The following NXPH1 variants were observed in gnomAD, a reference collection of about 807,000 sequenced individuals.
The protein encoded by NXPH1 is neurexophilin-1.
NXPH1 carries 5 observed loss-of-function variants against 23.7 expected under a neutral mutation model. That is an observed-to-expected ratio of 0.21 (90% confidence interval 0.11 to 0.44). The LOEUF is 0.44. Among genes scored for constraint, NXPH1 ranks in the 20% least tolerant of loss-of-function variants. The probability of loss-of-function intolerance (pLI) is 0.99; values close to 1 mark genes in which losing one functional copy is unlikely to be tolerated. For synonymous variants in NXPH1, 144 were observed against 122.2 expected (o/e 1.18, Z -1.18); for missense variants, 324 against 321.6 (o/e 1.01, Z -0.06).
At chr7:8,482,646 AG>A (rs1383278863) in intron 2 of NXPH1, among the ~76,000 whole-genome samples, 1 of 152,164 alleles carries the variant, frequency 6.6e-6, no homozygotes, top group Non-Finnish European at 1.5e-5. Context: ...CCTGTACAAA[AG>A]GCCAATAATG....
At chr7:8,499,869 C>G (rs977915346) in intron 2 of NXPH1, among the ~76,000 whole-genome samples, 2 of 152,058 alleles carry the variant, frequency 1.3e-5, no homozygotes, top group African/African-American at 4.8e-5. Flanking sequence ...ACTGGGCCAG[C>G]AAAGAGCCTC....
intron 2 of NXPH1, among the ~76,000 whole-genome samples, chr7:8,695,957 A>T (rs1779493779): frequency 6.6e-6 from 1 of 152,212 alleles, no homozygotes; most frequent in Non-Finnish European, 1.5e-5. Flanking sequence ...ACTGAAAGAA[A>T]ATAACACCAT....
intron 2 of NXPH1, among the ~76,000 whole-genome samples, chr7:8,733,728 A>AT (rs1307657546): frequency 2.0e-5 from 3 of 150,448 alleles, no homozygotes; most frequent in Non-Finnish European, 4.5e-5. Flanking sequence ...TGATGGGATT[A>AT]TTTTTTTCTT....
intron 2 of NXPH1, among the ~76,000 whole-genome samples, chr7:8,515,400 G>A (rs895056078): frequency 3.3e-5 from 5 of 152,070 alleles, no homozygotes; most frequent in African/African-American, 1.2e-4. Flanking sequence ...CTCCTGCCAT[G>A]GATTCCTGGA....
chr7:8,637,097 T>C (rs1820228628), intron 2 of NXPH1, among the ~76,000 whole-genome samples: 1 of 152,216 alleles, frequency 6.6e-6, no homozygotes, highest in African/African-American at 2.4e-5. Flanking sequence ...GTACTGCCTA[T>C]AGACATGTGG....
intron 2 of NXPH1, among the ~76,000 whole-genome samples, chr7:8,681,918 G>T (rs1821055697): frequency 6.6e-6 from 1 of 152,148 alleles, no homozygotes; most frequent in Non-Finnish European, 1.5e-5. Flanking sequence ...ACTGAGCTTT[G>T]CCCCTTTTCT....
intron 2 of NXPH1, among the ~76,000 whole-genome samples, chr7:8,717,996 G>A (rs371669909): frequency 6.6e-6 from 1 of 151,414 alleles, no homozygotes; most frequent in African/African-American, 2.4e-5. Flanking sequence ...GATGACTCAG[G>A]ATGTAAAATG....
intron 2 of NXPH1, among the ~76,000 whole-genome samples, chr7:8,461,579 C>A (rs1261305252): frequency 6.6e-6 from 1 of 151,790 alleles, no homozygotes; most frequent in Admixed American, 6.6e-5. Context: ...GCCTGTAATC[C>A]CAGCACTTTG....
At chr7:8,740,638 A>G (rs1365294833) in intron 2 of NXPH1, among the ~76,000 whole-genome samples, 2 of 152,154 alleles carry the variant, frequency 1.3e-5, no homozygotes, top group East Asian at 3.9e-4. Flanking sequence ...TTGTTAATGC[A>G]GCTCTGTGGT....
rs1207609532 is a variant in NXPH1, at chr7:8,434,706, G to A, written c.-160G>A. On this transcript the variant is annotated 5_prime_UTR_variant, in exon 1 of 3. Transcript: ENST00000405863. The surrounding 1 kb of genome is among the most constrained non-coding windows in gnomAD (Gnocchi z 7.6). ...CAGGCCCGAGTAGCTTCTCCATGGAGCCTGCCCAGAGCGGTCCCTTCTCGC... is the reference window on the plus strand; with the variant it reads ...CAGGCCCGAGTAGCTTCTCCATGGAACCTGCCCAGAGCGGTCCCTTCTCGC... The A allele has an allele frequency of 6.5e-6, 1 of 152,774 alleles. No individual in the cohort carries two copies. Among genetic ancestry groups the A allele is most frequent in the African/African-American group, 2.4e-5 (1 of 41,446 alleles). 9.5% of individuals were successfully genotyped at this position (152,774 alleles called of 1,614,324 possible).
intron 2 of NXPH1, among the ~76,000 whole-genome samples, chr7:8,515,314 C>A (rs1012201655): frequency 6.6e-6 from 1 of 152,006 alleles, no homozygotes; most frequent in Non-Finnish European, 1.5e-5. Flanking sequence ...GCTTCATCAT[C>A]ATCAATTAAT....
intron 2 of NXPH1, among the ~76,000 whole-genome samples, chr7:8,608,236 G>A (rs766051335): frequency 1.1e-4 from 17 of 152,058 alleles, no homozygotes; most frequent in Non-Finnish European, 2.2e-4. Flanking sequence ...TACTTAGCTA[G>A]TTAGGAGGAA....
chr7:8,604,075 A>T (rs1001748876), intron 2 of NXPH1, among the ~76,000 whole-genome samples: 5 of 151,000 alleles, frequency 3.3e-5, no homozygotes, highest in African/African-American at 7.3e-5. Context: ...GAAAAAAATA[A>T]AAAAAAAAGT....
intron 2 of NXPH1, among the ~76,000 whole-genome samples, chr7:8,503,382 G>A (rs949718852): frequency 1.3e-5 from 2 of 151,882 alleles, no homozygotes; most frequent in Non-Finnish European, 2.9e-5. Context: ...CGGCCTCTTT[G>A]TCTCCTTCCT....
intron 2 of NXPH1, among the ~76,000 whole-genome samples, chr7:8,543,777 C>T (rs760700815): frequency 5.3e-5 from 8 of 151,598 alleles, no homozygotes; most frequent in Non-Finnish European, 1.2e-4. Flanking sequence ...TGACGTAGTA[C>T]AGTTAAACAT....
At chr7:8,612,748 C>T (rs929119918) in intron 2 of NXPH1, among the ~76,000 whole-genome samples, 3 of 152,016 alleles carry the variant, frequency 2.0e-5, no homozygotes, top group African/African-American at 7.2e-5. Context: ...TTTTCCTGGC[C>T]TGGTATCATT....
chr7:8,485,464 C>T (rs540949221), intron 2 of NXPH1, among the ~76,000 whole-genome samples: 3 of 152,070 alleles, frequency 2.0e-5, no homozygotes, highest in Non-Finnish European at 2.9e-5. Flanking sequence ...GGGTCTTGTT[C>T]GTGGATATCT....
chr7:8,645,431 A>C (rs75588360), intron 2 of NXPH1, among the ~76,000 whole-genome samples: 5,318 of 152,100 alleles, frequency 0.035, 297 homozygotes, highest in East Asian at 0.17. Flanking sequence ...ACATCCTTTC[A>C]TATGTTTATG....
At chr7:8,468,846 G>C (rs1402408609) in intron 2 of NXPH1, among the ~76,000 whole-genome samples, 1 of 151,956 alleles carries the variant, frequency 6.6e-6, no homozygotes, top group Admixed American at 6.6e-5. Flanking sequence ...AATTACCCAA[G>C]ATAATAAAAT....
Sources: gnomAD v4.1 joint callset for allele counts (sites outside exome capture counted in the v4.1 genomes callset) on GRCh38, gnomAD v4.1.1 for gene constraint, Gnocchi (gnomAD v3.1) non-coding constraint, MANE v1.5 for transcripts, NCBI Gene and HGNC (gene_info 2026-07-23, HGNC 2026-07-21) for gene names.